Variants in SPRR5 observed in about 807,000 individuals in gnomAD.
SPRR5 encodes small proline-rich protein 5.
At chr1:152,947,347 G>A (rs1006784522) in intron 1 of SPRR5, 99 bp downstream of exon 1, 48 of 152,512 alleles carry the variant, frequency 3.1e-4, no homozygotes, top group African/African-American at 1.1e-3. Flanking sequence ...TGGTCAGAAA[G>A]GATGGGTCTT....
At chr1:152,948,442 G>A (rs1330958063) in intron 1 of SPRR5, 95 bp from the exon 2 acceptor site, 14 of 209,890 alleles carry the variant, frequency 6.7e-5, no homozygotes. Flanking sequence ...CAAGGTAAAA[G>A]CAGAGCAGGA....
chr1:152,948,382 G>GCACACACA (rs1004617547), intron 1 of SPRR5, among the ~76,000 whole-genome samples, 155 bp from the exon 2 acceptor site: 9 of 142,066 alleles, frequency 6.3e-5, no homozygotes, highest in African/African-American at 2.8e-4. Context: ...ACACATGCGC[G>GCACACACA]CGCGCACACA....
intron 1 of SPRR5, among the ~76,000 whole-genome samples, chr1:152,948,267 C>T (rs1213883867): frequency 6.6e-6 from 1 of 151,970 alleles, no homozygotes; most frequent in African/African-American, 2.4e-5. Context: ...TTCAACCCCT[C>T]CTAACATTTC....
rs543942758 is a variant in SPRR5, at chr1:152,948,382, G to A, written c.-18-155G>A. ...AAACACTTAAAGTTTACACATGCGCGCGCGCACACACACACACACACTCCT... is the reference window on the plus strand; with the variant it reads ...AAACACTTAAAGTTTACACATGCGCACGCGCACACACACACACACACTCCT... On this transcript the variant is annotated intron_variant, in intron 1 of 1. Transcript: ENST00000636302. 2.4e-3 allele frequency among the ~76,000 whole-genome samples: 337 copies of A among 142,142 alleles called. 1 individual carries two copies. The East Asian group carries it at 0.031, about 13-fold the overall frequency. 93.3% of individuals were successfully genotyped at this position (142,142 alleles called of 152,430 possible).
rs114224571 is a variant in SPRR5 at position 152,948,381 on chromosome 1, C to T, written c.-18-156C>T. Among the ~76,000 whole-genome samples the T allele has an allele frequency of 8.4e-3, 1,181 of 140,904 alleles. 11 individuals carry two copies. The highest frequency in any genetic ancestry group is 0.014 in the Middle Eastern group (4 of 282). The allele number at this position is 140,904 out of a possible 152,430, so 92.4% of individuals were successfully genotyped here. A position where few individuals can be genotyped will look rare whatever the true frequency, so the allele number is the denominator to read the frequency against. ...TAAACACTTAAAGTTTACACATGCGCGCGCGCACACACACACACACACTCC... is the reference window on the plus strand; with the variant it reads ...TAAACACTTAAAGTTTACACATGCGTGCGCGCACACACACACACACACTCC... On this transcript the variant is annotated intron_variant, in intron 1 of 1. Coordinates refer to ENST00000636302, the Ensembl canonical transcript of SPRR5.
chr1:152,948,948 C>G (rs2101534822), exon 2 of SPRR5: 1 of 193,416 alleles, frequency 5.2e-6, no homozygotes, highest in East Asian at 1.1e-4. Context: ...TCTGGGCCAG[C>G]ATCTTACACT....
At chr1:152,948,789 A>C in exon 2 of SPRR5, 1 of 100,066 alleles carries the variant, frequency 1.0e-5, no homozygotes. Context: ...CCAACAGACC[A>C]AGCAGCCTTG....
chr1:152,948,600 TGCCCCCCACCCCAGCAGCGC>T lies in SPRR5; in HGVS notation c.47_66del (p.Cys16LeufsTer154). The T allele has an allele frequency of 1.7e-5, 1 of 59,734 alleles. No individual in the cohort carries two copies. The highest frequency in any genetic ancestry group is 5.4e-4 in the South Asian group (1 of 1,844). The allele number at this position is 59,734 out of a possible 1,614,324, so 3.7% of individuals were successfully genotyped here. ...GCAGTGTGCTCCCCCGCAGCAGTGCTGCCCCCCACCCCAGCAGCGCTGCCCCCCACCCCAGCAGTGCTGCC... is the reference window on the plus strand; with the variant it reads ...GCAGTGTGCTCCCCCGCAGCAGTGCTTGCCCCCCACCCCAGCAGTGCTGCC... On this transcript the variant is annotated frameshift_variant, in exon 2 of 2. Coordinates refer to ENST00000636302, the Ensembl canonical transcript of SPRR5. LOFTEE classifies it high-confidence loss of function.
chr1:152,948,696 C>A, exon 2 of SPRR5: 1 of 168,510 alleles, frequency 5.9e-6, no homozygotes, highest in African/African-American at 3.1e-5. Context: ...CCCGCCGCCT[C>A]AACAATGCTG....
chr1:152,948,404 T>A (rs1651117889), intron 1 of SPRR5, 133 bp from the exon 2 acceptor site: 4 of 184,310 alleles, frequency 2.2e-5, no homozygotes, highest in East Asian at 1.1e-4. Context: ...ACACACACAC[T>A]CCTCTTAAAT....
chr1:152,948,110 A>G (rs1651105248), intron 1 of SPRR5, among the ~76,000 whole-genome samples: 1 of 152,218 alleles, frequency 6.6e-6, no homozygotes. Flanking sequence ...CATATAGTTA[A>G]TAAATGATTT....
chr1:152,949,100 C>A (rs1048566543), exon 2 of SPRR5: 7 of 153,074 alleles, frequency 4.6e-5, no homozygotes, highest in African/African-American at 1.7e-4. Context: ...GTTTCCATCT[C>A]AGACAAGGAT....
chr1:152,948,171 T>G (rs1352572425), intron 1 of SPRR5, among the ~76,000 whole-genome samples: 1 of 152,154 alleles, frequency 6.6e-6, no homozygotes, highest in African/African-American at 2.4e-5. Context: ...CAGGTTTTGC[T>G]ATAATAGGAT....
At chr1:152,948,437 T>TAAAAGCAG (rs1027194074) in intron 1 of SPRR5, 100 bp from the exon 2 acceptor site, 1 of 207,746 alleles carries the variant, frequency 4.8e-6, no homozygotes, top group African/African-American at 2.3e-5. Flanking sequence ...CAGGGCAAGG[T>TAAAAGCAG]AAAAGCAGAG....
At chr1:152,947,399 T>A (rs1239937854) in intron 1 of SPRR5, among the ~76,000 whole-genome samples, 151 bp downstream of exon 1, 1 of 152,126 alleles carries the variant, frequency 6.6e-6, no homozygotes, top group East Asian at 1.9e-4. Context: ...GACAAACCTA[T>A]CTTGGGTCCA....
chr1:152,948,667 C>G (rs1350659705), exon 2 of SPRR5: 1 of 116,688 alleles, frequency 8.6e-6, no homozygotes, highest in African/African-American at 3.7e-5. Context: ...CAGTGCTGCC[C>G]CCCACCCCAG....
At chr1:152,947,991 T>C (rs908806312) in intron 1 of SPRR5, among the ~76,000 whole-genome samples, 1 of 152,238 alleles carries the variant, frequency 6.6e-6, no homozygotes, top group African/African-American at 2.4e-5. Flanking sequence ...TGTCGGTACA[T>C]ACATACCTAC....
intron 1 of SPRR5, among the ~76,000 whole-genome samples, chr1:152,947,861 T>C (rs1651096904): frequency 6.6e-6 from 1 of 152,238 alleles, no homozygotes; most frequent in African/African-American, 2.4e-5. Flanking sequence ...TCTAGAGTTT[T>C]CTCTTTATAA....
intron 1 of SPRR5, among the ~76,000 whole-genome samples, 153 bp from the exon 2 acceptor site, chr1:152,948,384 G>GCACA (rs1352245363): frequency 1.4e-5 from 2 of 139,378 alleles, no homozygotes; most frequent in African/African-American, 6.6e-5. Flanking sequence ...ACATGCGCGC[G>GCACA]CGCACACACA....
Sources: gnomAD v4.1 joint callset for allele counts (sites outside exome capture counted in the v4.1 genomes callset) on GRCh38, gnomAD v4.1.1 for gene constraint, MANE v1.5 for transcripts, NCBI Gene and HGNC (gene_info 2026-07-23, HGNC 2026-07-21) for gene names.